Variants in DCAKD observed in about 807,000 individuals in gnomAD.
DCAKD encodes the protein dephospho-CoA kinase domain-containing protein.
A neutral mutation model predicts 18.7 loss-of-function variants in DCAKD; 15 were observed. The observed-to-expected ratio is 0.80, with a 90% CI of 0.54 to 1.24. The LOEUF (loss-of-function observed/expected upper bound fraction) is 1.24. Among genes scored for constraint, DCAKD ranks in the 50% most tolerant of loss-of-function variants. DCAKD has a pLI of 0.00. For synonymous variants in DCAKD, 130 were observed against 133.0 expected (o/e 0.98, Z 0.16); for missense variants, 301 against 322.0 (o/e 0.93, Z 0.50).
At chr17:45,028,432 G>A (rs557773145) in intron 4 of DCAKD, among the ~76,000 whole-genome samples, 37 of 116,908 alleles carry the variant, frequency 3.2e-4, no homozygotes, top group African/African-American at 1.1e-3. Flanking sequence ...TTTTTGAGAC[G>A]GAGTTTCATT....
rs1191754666 is a variant in DCAKD, at chr17:45,037,768, T to TC, written c.-114-2770_-114-2769insG. ...AACCACCACGCCAAGCTTCAAGAGCTTTTTTTTTTTTTTTTTGAGACAGAG... is the reference window on the plus strand; with the variant it reads ...AACCACCACGCCAAGCTTCAAGAGCTCTTTTTTTTTTTTTTTTGAGACAGAG... On this transcript the variant is annotated intron_variant, in intron 1 of 4. Transcript: ENST00000651974. Among the ~76,000 whole-genome samples the TC allele has an allele frequency of 9.0e-5, 10 of 111,124 alleles. 1 individual carries two copies. The highest frequency in any genetic ancestry group is 7.8e-4 in the Admixed American group (9 of 11,474). 72.9% of individuals were successfully genotyped at this position (111,124 alleles called of 152,430 possible). A position where few individuals can be genotyped will look rare whatever the true frequency, so the allele number is the denominator to read the frequency against.
intron 1 of DCAKD, among the ~76,000 whole-genome samples, chr17:45,060,058 C>A (rs1052378495): frequency 6.6e-6 from 1 of 152,096 alleles, no homozygotes; most frequent in Non-Finnish European, 1.5e-5. Context: ...GAGCCGAGAT[C>A]GCACCACTGC....
At position 45,024,651 on chromosome 17, in the gene DCAKD, T is replaced by C. The variant is rs774944283; in HGVS notation, c.478A>G (p.Asn160Asp). 21 of 1,612,562 alleles carry C rather than the reference T, an allele frequency of 1.3e-5. No homozygotes were observed. The highest frequency in any genetic ancestry group is 1.6e-5 in the Non-Finnish European group (19 of 1,178,940). The change falls in exon 5 of 5, where the codon AAT becomes GAT. Residue 160 changes from asparagine (N) to aspartate (D), a missense_variant. Physicochemically the swap from Asn to Asp is conservative, Grantham distance 23. Coordinates refer to ENST00000651974, the MANE Select transcript of DCAKD (RefSeq NM_001288655.2). ...LNRKDAEARI[N>D]AQLPLTDKAR... is the part of the protein sequence containing the mutation. ...TTGTCTGTCAGGGGCAGCTGGGCAT[T>C]GATGCGGGCCTCTGCGTCCTTGCGG...
intron 1 of DCAKD, among the ~76,000 whole-genome samples, chr17:45,059,316 A>G (rs1350443432): frequency 6.6e-6 from 1 of 152,078 alleles, no homozygotes; most frequent in African/African-American, 2.4e-5. Context: ...TCTTTCCCTG[A>G]GTCAGATGGG....
rs199654954 is a variant in DCAKD at position 45,034,317 on chromosome 17, G to A, written c.186C>T (p.Gly62=). The A allele has an allele frequency of 8.2e-5, 133 of 1,614,100 alleles. No homozygotes were observed. Among genetic ancestry groups the A allele is most frequent in the Admixed American group, 1.0e-4 (6 of 60,010 alleles). ...VFGTEVLLEN[G]DINRKVLGDL... ...CCCCCAGGACCTTGCGATTTATGTC[G>A]CCGTTCTCCAGCAAGACCTCAGTGC... The change falls in exon 3 of 5, where the codon GGC becomes GGT. Residue 62 remains glycine, a synonymous_variant. Transcript: ENST00000651974.
intron 1 of DCAKD, among the ~76,000 whole-genome samples, chr17:45,042,128 G>C (rs2053452750): frequency 6.6e-6 from 1 of 151,834 alleles, no homozygotes; most frequent in Admixed American, 6.6e-5. Context: ...AAAAAAGAGT[G>C]ACAGGCACAT....
chr17:45,031,436 AAAG>A (rs1355612547), intron 3 of DCAKD: 2 of 950,674 alleles, frequency 2.1e-6, no homozygotes, highest in African/African-American at 3.5e-5. Context: ...AAATGAGTAA[AAAG>A]AATACCTACT....
At position 45,030,180 on chromosome 17, in the gene DCAKD, C is replaced by A. The variant is rs778164914; in HGVS notation, c.317-1G>T. On this transcript the variant is annotated splice_acceptor_variant, in intron 3 of 4. Coordinates refer to ENST00000651974, the MANE Select transcript of DCAKD (RefSeq NM_001288655.2). LOFTEE classifies it high-confidence loss of function. ...ATATCCAGAATCACGTAGCGGTATCCTGGGGAGAGGTTGGAAATCCCCCAA... is the reference window on the plus strand; with the variant it reads ...ATATCCAGAATCACGTAGCGGTATCATGGGGAGAGGTTGGAAATCCCCCAA... 6.2e-7 allele frequency: 1 copy of A among 1,614,026 alleles called. No homozygotes were observed. The highest frequency in any genetic ancestry group is 8.5e-7 in the Non-Finnish European group (1 of 1,179,906).
intron 3 of DCAKD, among the ~76,000 whole-genome samples, chr17:45,033,170 A>AC (rs1171596407): frequency 6.7e-6 from 1 of 149,364 alleles, no homozygotes; most frequent in African/African-American, 2.4e-5. Context: ...GCATAGTGAG[A>AC]CCCCATCTCT....
chr17:45,036,722 A>G lies in DCAKD; in HGVS notation c.-114-1723T>C, dbSNP rs150581739. ...TCCTCCAACCTCAGACTATCACACC[A>G]TAAACTTTTAAGGAGTCATGGTGCA... On this transcript the variant is annotated intron_variant, in intron 1 of 4. Transcript: ENST00000651974. Among the ~76,000 whole-genome samples the G allele has an allele frequency of 1.7e-3, 254 of 152,290 alleles. 1 individual carries two copies. The highest frequency in any genetic ancestry group is 3.5e-3 in the Admixed American group (53 of 15,294).
upstream of DCAKD, among the ~76,000 whole-genome samples, chr17:45,052,625 T>C (rs1161806800): frequency 6.7e-6 from 1 of 150,268 alleles, no homozygotes; most frequent in African/African-American, 2.5e-5. Flanking sequence ...CTCAGCACTT[T>C]GGGAGGATCA....
At chr17:45,053,751 A>G (rs1049481580), upstream of DCAKD, among the ~76,000 whole-genome samples, 1 of 151,518 alleles carries the variant, frequency 6.6e-6, no homozygotes, top group Non-Finnish European at 1.5e-5. Flanking sequence ...TCTAGTAGAG[A>G]TGGGGTTTGG....
chr17:45,048,633 T>C (rs762090129), intron 1 of DCAKD, among the ~76,000 whole-genome samples: 1 of 148,830 alleles, frequency 6.7e-6, no homozygotes, highest in Non-Finnish European at 1.5e-5. Flanking sequence ...CGAGACTCCA[T>C]CTCAAAGAAA....
chr17:45,055,893 A>C (rs1180602539), upstream of DCAKD, among the ~76,000 whole-genome samples: 1 of 152,104 alleles, frequency 6.6e-6, no homozygotes, highest in Non-Finnish European at 1.5e-5. Context: ...AGTGGCTCAC[A>C]CCTGTACTCC....
At chr17:45,032,300 C>G (rs2053186685) in intron 3 of DCAKD, among the ~76,000 whole-genome samples, 1 of 152,050 alleles carries the variant, frequency 6.6e-6, no homozygotes, top group African/African-American at 2.4e-5. Flanking sequence ...GGAGCGCACA[C>G]GCTGGTTCAG....
chr17:45,026,071 ACCATGC>A (rs1245716882), intron 4 of DCAKD, among the ~76,000 whole-genome samples: 1 of 151,654 alleles, frequency 6.6e-6, no homozygotes, highest in Admixed American at 6.6e-5. Flanking sequence ...GGCGTGCAAC[ACCATGC>A]CCAGCTAATT....
At position 45,037,618 on chromosome 17, in the gene DCAKD, C is replaced by A. The variant is rs370417797; in HGVS notation, c.-114-2619G>T. 1.2e-4 allele frequency among the ~76,000 whole-genome samples: 19 copies of A among 152,130 alleles called. No individual in the cohort carries two copies. The East Asian group carries it at 1.9e-3, about 15-fold the overall frequency. On this transcript the variant is annotated intron_variant, in intron 1 of 4. Coordinates refer to ENST00000651974, the MANE Select transcript of DCAKD (RefSeq NM_001288655.2). Reference sequence around the variant, plus strand: ...GGATTACATGCAGCCGTCACCATGCCCAGCTAATTTTTGTATTTTTAGTAG... The same window carrying A: ...GGATTACATGCAGCCGTCACCATGCACAGCTAATTTTTGTATTTTTAGTAG...
chr17:45,026,748 A>G (rs2053064491), intron 4 of DCAKD: 1 of 985,280 alleles, frequency 1.0e-6, no homozygotes, highest in African/African-American at 1.7e-5. Flanking sequence ...TACTGTGGCC[A>G]TTGTGGGGCC....
intron 3 of DCAKD, among the ~76,000 whole-genome samples, chr17:45,032,419 G>C (rs1216130145): frequency 6.6e-6 from 1 of 152,040 alleles, no homozygotes; most frequent in African/African-American, 2.4e-5. Context: ...TGGCCACAGG[G>C]GGATGAGGGT....
Sources: gnomAD v4.1 joint callset for allele counts (sites outside exome capture counted in the v4.1 genomes callset) on GRCh38, gnomAD v4.1.1 for gene constraint, MANE v1.5 for transcripts, NCBI Gene and HGNC (gene_info 2026-07-23, HGNC 2026-07-21) for gene names.